The following PARVA variants were observed in gnomAD, a reference collection of about 807,000 sequenced individuals.
PARVA encodes the protein parvin alpha, also known as alpha-parvin.
PARVA carries 25 observed loss-of-function variants against 52.6 expected under a neutral mutation model. The observed-to-expected ratio is 0.48, with a 90% CI of 0.35 to 0.66. The LOEUF (loss-of-function observed/expected upper bound fraction) is 0.66, where lower values mean the gene tolerates loss of function less well. Among genes scored for constraint, PARVA ranks in the 30% least tolerant of loss-of-function variants. PARVA has a pLI of 0.01. For missense variants in PARVA, 373 were observed against 450.9 expected, an observed-to-expected ratio of 0.83 and a Z score of 1.56; for synonymous variants, 185 against 179.1, an observed-to-expected ratio of 1.03 and a Z score of -0.26.
At chr11:12,486,216 A>G (rs1196649274) in intron 4 of PARVA, among the ~76,000 whole-genome samples, 1 of 152,214 alleles carries the variant, frequency 6.6e-6, no homozygotes, top group Non-Finnish European at 1.5e-5. Context: ...TAAATCTAAA[A>G]ACCATTCTAA....
intron 1 of PARVA, among the ~76,000 whole-genome samples, chr11:12,400,252 T>G (rs553033133): frequency 7.9e-5 from 12 of 152,334 alleles, no homozygotes; most frequent in African/African-American, 2.9e-4. Flanking sequence ...TACATTTGCT[T>G]TGTGGGAACA....
intron 4 of PARVA, among the ~76,000 whole-genome samples, chr11:12,493,153 C>T (rs969483798): frequency 2.0e-5 from 3 of 151,722 alleles, no homozygotes; most frequent in African/African-American, 4.8e-5. Context: ...TCCAGGAGTT[C>T]GAGACTAGCC....
chr11:12,448,600 C>T (rs1056141190), intron 1 of PARVA, among the ~76,000 whole-genome samples: 3 of 152,144 alleles, frequency 2.0e-5, no homozygotes, highest in African/African-American at 4.8e-5. Context: ...TTAGAACTGT[C>T]GTTTATTGGA....
In PARVA at chr11:12,532,128, G is replaced by C. The variant is rs1380248024; in HGVS notation, c.*4203G>C. ...GCGTGTTCACGTGTTCATGACAACA[G>C]CAATGCAGCCATGAGGGTGCTGCCC... On this transcript the variant is annotated 3_prime_UTR_variant, in exon 13 of 13. Coordinates refer to ENST00000334956, the MANE Select transcript of PARVA (RefSeq NM_018222.5). Among the ~76,000 whole-genome samples the C allele has an allele frequency of 1.3e-5, 2 of 152,184 alleles. No homozygotes were observed. The highest frequency in any genetic ancestry group is 2.9e-5 in the Non-Finnish European group (2 of 68,048).
intron 1 of PARVA, among the ~76,000 whole-genome samples, chr11:12,466,669 G>A (rs546392063): frequency 2.2e-4 from 34 of 151,700 alleles, no homozygotes; most frequent in African/African-American, 7.7e-4. Flanking sequence ...TCCTTTTGGT[G>A]TTGTATCTAA....
At chr11:12,499,974 T>G (rs150706764) in intron 5 of PARVA, among the ~76,000 whole-genome samples, 171 of 152,284 alleles carry the variant, frequency 1.1e-3, no homozygotes, top group Non-Finnish European at 1.7e-3. Context: ...TAACTGATAA[T>G]GGATTTTCAG....
At chr11:12,427,678 G>A (rs1940258129) in intron 1 of PARVA, among the ~76,000 whole-genome samples, 2 of 152,138 alleles carry the variant, frequency 1.3e-5, no homozygotes, top group Non-Finnish European at 2.9e-5. Flanking sequence ...TTGTCTTATG[G>A]GTCATCAGCA....
intron 1 of PARVA, among the ~76,000 whole-genome samples, chr11:12,409,928 A>G (rs79782337): frequency 0.046 from 6,957 of 152,298 alleles, 549 homozygotes; most frequent in African/African-American, 0.16. Context: ...TTCACTGCCT[A>G]TTAATTGGTA....
chr11:12,511,363 G>A (rs1941500202), intron 7 of PARVA, 151 bp from the exon 8 acceptor site: 2 of 708,508 alleles, frequency 2.8e-6, no homozygotes, highest in Admixed American at 2.4e-5. Context: ...GCCAATGGAA[G>A]GAGGCTTTTT....
rs1412245894 is a variant in PARVA, at chr11:12,530,253, G to A, written c.*2328G>A. 2 of 152,026 alleles carry A rather than the reference G, an allele frequency of 1.3e-5. No homozygotes were observed. The highest frequency in any genetic ancestry group is 2.9e-5 in the Non-Finnish European group (2 of 68,012). The allele number at this position is 152,026 out of a possible 1,614,324, so 9.4% of individuals were successfully genotyped here. A position where few individuals can be genotyped will look rare whatever the true frequency, so the allele number is the denominator to read the frequency against. ...GCCCAGAATCCCAGGTCCTGGGCCT[G>A]GTTTTCTAATGCTGTCATCTCAGTT... On this transcript the variant is annotated 3_prime_UTR_variant, in exon 13 of 13. Transcript: ENST00000334956.
At chr11:12,445,198 T>C (rs1236643899) in intron 1 of PARVA, among the ~76,000 whole-genome samples, 1 of 152,024 alleles carries the variant, frequency 6.6e-6, no homozygotes, top group Non-Finnish European at 1.5e-5. Flanking sequence ...ATAACTACAG[T>C]TTAATAAAGG....
intron 12 of PARVA, among the ~76,000 whole-genome samples, chr11:12,522,789 TAAAAAA>T (rs59606718): frequency 4.1e-5 from 6 of 147,416 alleles, no homozygotes; most frequent in South Asian, 2.1e-4. Flanking sequence ...GTAAAACTGT[TAAAAAA>T]AAAAAAACAG....
At chr11:12,490,652 A>T (rs376640866) in intron 4 of PARVA, among the ~76,000 whole-genome samples, 6 of 152,162 alleles carry the variant, frequency 3.9e-5, no homozygotes, top group African/African-American at 1.4e-4. Context: ...CCCCCCAAAA[A>T]TACCTAAAAT....
At chr11:12,508,776 G>A (rs896840788) in intron 7 of PARVA, 134 bp downstream of exon 7, 25 of 745,974 alleles carry the variant, frequency 3.4e-5, no homozygotes, top group Non-Finnish European at 5.0e-5. Flanking sequence ...AATGATTATA[G>A]TTTAGCCTTT....
chr11:12,489,576 CAT>C (rs1331971415), intron 4 of PARVA, among the ~76,000 whole-genome samples: 1 of 152,026 alleles, frequency 6.6e-6, no homozygotes, highest in African/African-American at 2.4e-5. Context: ...TTAAAGAAAA[CAT>C]AATGAATGAG....
At chr11:12,523,078 T>G (rs1296548005) in intron 12 of PARVA, among the ~76,000 whole-genome samples, 2 of 152,122 alleles carry the variant, frequency 1.3e-5, no homozygotes, top group Non-Finnish European at 2.9e-5. Flanking sequence ...TGCATGGGTT[T>G]TTTTCTGGAT....
intron 1 of PARVA, among the ~76,000 whole-genome samples, chr11:12,429,656 TTTA>T (rs1940288047): frequency 6.6e-6 from 1 of 152,204 alleles, no homozygotes; most frequent in African/African-American, 2.4e-5. Context: ...TCCCAATAAA[TTTA>T]TTGTCATTAA....
At chr11:12,464,047 A>T (rs1173746407) in intron 1 of PARVA, among the ~76,000 whole-genome samples, 1 of 142,780 alleles carries the variant, frequency 7.0e-6, no homozygotes, top group Non-Finnish European at 1.5e-5. Flanking sequence ...TTTTCTCTGC[A>T]GTCCTAGAAT....
chr11:12,413,471 A>T (rs535745314), intron 1 of PARVA, among the ~76,000 whole-genome samples: 1 of 152,366 alleles, frequency 6.6e-6, no homozygotes, highest in Non-Finnish European at 1.5e-5. Flanking sequence ...GCTTCCTAGC[A>T]TTCATGTAGG....
Sources: gnomAD v4.1 joint callset for allele counts (sites outside exome capture counted in the v4.1 genomes callset) on GRCh38, gnomAD v4.1.1 for gene constraint, MANE v1.5 for transcripts, NCBI Gene and HGNC (gene_info 2026-07-23, HGNC 2026-07-21) for gene names.